Variants in OXR1 observed in about 807,000 individuals in gnomAD.
OXR1 encodes oxidation resistance protein 1.
In OXR1, 41 loss-of-function variants were observed where a neutral mutation model predicts 104.6. That is an observed-to-expected ratio of 0.39 (90% CI 0.31 to 0.51). OXR1 has a LOEUF of 0.51. OXR1 is among the 20% of genes least tolerant of loss of function. The pLI, the probability that OXR1 is intolerant of heterozygous loss-of-function variation, is 0.77. For missense variants in OXR1, 955 were observed against 1,031.9 expected, an observed-to-expected ratio of 0.93 and a Z score of 1.02; for synonymous variants, 348 against 348.4, an observed-to-expected ratio of 1.00 and a Z score of 0.01.
intron 1 of OXR1, among the ~76,000 whole-genome samples, chr8:106,345,699 A>G (rs927814820): frequency 6.6e-6 from 1 of 152,238 alleles, no homozygotes; most frequent in Non-Finnish European, 1.5e-5. Context: ...AGATTAACAC[A>G]TAAAACATAC....
chr8:106,417,247 G>GATATGCATATAATAGCTGGCAGATATA (rs1194581013), intron 2 of OXR1, among the ~76,000 whole-genome samples: 1 of 152,056 alleles, frequency 6.6e-6, no homozygotes, highest in African/African-American at 2.4e-5. Context: ...TATTTAACAT[G>GATATGCATATAATAGCTGGCAGATATA]ATAGCTGGCA....
At chr8:106,698,154 A>G (rs964751577) in intron 7 of OXR1, 16 of 610,234 alleles carry the variant, frequency 2.6e-5, no homozygotes, top group Middle Eastern at 4.1e-4. Context: ...TTCAAAGGAT[A>G]TTTTCACTAG....
intron 2 of OXR1, among the ~76,000 whole-genome samples, chr8:106,406,499 G>C (rs189044131): frequency 3.3e-5 from 5 of 152,120 alleles, no homozygotes; most frequent in Admixed American, 6.6e-5. Context: ...TCAGACAATG[G>C]AATATTACTC....
chr8:106,681,668 G>T (rs976289255), intron 4 of OXR1, among the ~76,000 whole-genome samples: 1 of 152,038 alleles, frequency 6.6e-6, no homozygotes, highest in Non-Finnish European at 1.5e-5. Context: ...GGGACTACAG[G>T]CATGCATCAC....
At chr8:106,623,195 A>G (rs1409280211) in intron 3 of OXR1, among the ~76,000 whole-genome samples, 1 of 152,202 alleles carries the variant, frequency 6.6e-6, no homozygotes, top group Non-Finnish European at 1.5e-5. Context: ...AAATGGAAAA[A>G]TTGTGTCATC....
intron 3 of OXR1, among the ~76,000 whole-genome samples, chr8:106,647,279 C>A (rs1424693345): frequency 6.6e-6 from 1 of 152,116 alleles, no homozygotes; most frequent in African/African-American, 2.4e-5. Flanking sequence ...TAGAGGGGAA[C>A]TTTTTAGAAA....
At position 106,660,626 on chromosome 8, in the gene OXR1, G is replaced by A. The variant is rs571308933; in HGVS notation, c.221-18584G>A. 5.3e-5 allele frequency among the ~76,000 whole-genome samples: 8 copies of A among 152,250 alleles called. No individual in the cohort carries two copies. In the South Asian group the frequency reaches 1.2e-3, roughly 24 times the overall value. Reference sequence around the variant, plus strand: ...CACAACCCAACATCGGAGGAGTTACGCATCAAGAAGGGGTGGAGGGAGTCA... The same window carrying A: ...CACAACCCAACATCGGAGGAGTTACACATCAAGAAGGGGTGGAGGGAGTCA... On this transcript the variant is annotated intron_variant, in intron 3 of 16. Transcript: ENST00000517566.
At chr8:106,439,549 A>G (rs1038464361) in intron 2 of OXR1, among the ~76,000 whole-genome samples, 1 of 151,858 alleles carries the variant, frequency 6.6e-6, no homozygotes, top group Non-Finnish European at 1.5e-5. Flanking sequence ...TTTTTCTGAT[A>G]TTTTGTTTTA....
intron 3 of OXR1, among the ~76,000 whole-genome samples, chr8:106,578,372 T>C (rs934756721): frequency 1.3e-5 from 2 of 152,194 alleles, no homozygotes; most frequent in African/African-American, 4.8e-5. Flanking sequence ...ATTGATACAG[T>C]AGAGTTTTTT....
At position 106,706,534 on chromosome 8, in the gene OXR1, T is replaced by G. The variant is rs1831161114; in HGVS notation, c.1013T>G (p.Val338Gly). The change falls in exon 9 of 17, where the codon GTG (valine) becomes GGG (glycine). Residue 338 changes from valine (V) to glycine (G), a missense_variant. This residue lies in a region of OXR1 where 849 missense variants were observed against 852.9 expected (regional missense o/e 1.00). Transcript: ENST00000517566. ...ACTGAGGAGTCTCTTTCTGAAGATG[T>G]GTTCACAGAATCAGAACTTTCCCCT... ...RSTEESLSEDVFTESELSPIR... is the reference protein window; with the variant it reads ...RSTEESLSEDGFTESELSPIR... 5 of 1,607,970 alleles carry G rather than the reference T, an allele frequency of 3.1e-6. No individual in the cohort carries two copies. The East Asian group carries it at 1.1e-4, about 36-fold the overall frequency.
At chr8:106,419,052 A>G (rs563387308) in intron 2 of OXR1, among the ~76,000 whole-genome samples, 3 of 152,256 alleles carry the variant, frequency 2.0e-5, no homozygotes, top group East Asian at 1.9e-4. Context: ...TTCCACTCCT[A>G]TGGTTTTCAT....
chr8:106,750,464 T>G (rs1355546205), intron 16 of OXR1, among the ~76,000 whole-genome samples: 1 of 152,004 alleles, frequency 6.6e-6, no homozygotes, highest in Non-Finnish European at 1.5e-5. Context: ...TAGCTGGGAT[T>G]ACAGGCATGT....
intron 3 of OXR1, among the ~76,000 whole-genome samples, chr8:106,623,757 GT>G (rs1411355695): frequency 6.6e-6 from 1 of 152,152 alleles, no homozygotes; most frequent in Non-Finnish European, 1.5e-5. Flanking sequence ...ATGAGAGAAG[GT>G]TTTTAAATAA....
intron 3 of OXR1, among the ~76,000 whole-genome samples, chr8:106,551,143 A>C (rs945787679): frequency 6.6e-6 from 1 of 152,260 alleles, no homozygotes; most frequent in East Asian, 1.9e-4. Context: ...AGAGTTTAAC[A>C]TCAAGAGCAG....
intron 3 of OXR1, among the ~76,000 whole-genome samples, chr8:106,533,751 G>A (rs1018374165): frequency 8.3e-6 from 1 of 120,898 alleles, no homozygotes; most frequent in Non-Finnish European, 1.7e-5. Flanking sequence ...TTTCTCTCTT[G>A]TTGCCCAGGC....
intron 3 of OXR1, chr8:106,657,818 C>A: frequency 8.1e-7 from 1 of 1,233,814 alleles, no homozygotes; most frequent in Non-Finnish European, 1.0e-6. Context: ...ATGGTCCGTC[C>A]CCGGGCAGAG....
chr8:106,394,770 AAGAGGCTGCAC>A (rs1731147241), intron 2 of OXR1, among the ~76,000 whole-genome samples: 1 of 152,144 alleles, frequency 6.6e-6, no homozygotes, highest in East Asian at 1.9e-4. Context: ...AGTTGACCAA[AAGAGGCTGCAC>A]AGATGAACTC....
intron 10 of OXR1, among the ~76,000 whole-genome samples, chr8:106,713,179 G>A (rs1330501265): frequency 6.6e-6 from 1 of 151,838 alleles, no homozygotes; most frequent in Non-Finnish European, 1.5e-5. Context: ...TTAGCTGAAA[G>A]TTATATAATC....
intron 6 of OXR1, among the ~76,000 whole-genome samples, chr8:106,691,638 A>G (rs1202605444): frequency 6.7e-6 from 1 of 148,612 alleles, no homozygotes; most frequent in East Asian, 1.9e-4. Flanking sequence ...ATATATATAT[A>G]TATACACACA....
Sources: allele counts gnomAD v4.1 joint callset (sites outside exome capture counted in the v4.1 genomes callset), GRCh38; gene constraint gnomAD v4.1.1; regional missense constraint gnomAD v4.1.1; transcripts MANE v1.5; gene names NCBI Gene and HGNC (gene_info 2026-07-23, HGNC 2026-07-21).